PNLIP: variants seen among roughly 807,000 people sequenced by gnomAD.
PNLIP encodes pancreatic lipase.
In PNLIP, 49 loss-of-function variants were observed where a neutral mutation model predicts 57.1. The observed-to-expected ratio is 0.86, with a 90% CI of 0.68 to 1.09. PNLIP has a LOEUF of 1.09. Among genes scored for constraint, PNLIP ranks in the 50% least tolerant of loss-of-function variants. The pLI is 0.00. For missense variants in PNLIP, 503 were observed against 570.2 expected, an observed-to-expected ratio of 0.88 and a Z score of 1.20; for synonymous variants, 209 against 200.4, an observed-to-expected ratio of 1.04 and a Z score of -0.36.
intron 3 of PNLIP, 133 bp from the exon 4 acceptor site, chr10:116,548,227 T>G (rs1453080915): frequency 7.9e-6 from 6 of 763,594 alleles, no homozygotes; most frequent in East Asian, 2.6e-5. Flanking sequence ...AATACTGTGG[T>G]TGCTATGGAG....
intron 10 of PNLIP, 137 bp downstream of exon 10, chr10:116,559,420 T>C (rs1040992926): frequency 3.0e-6 from 2 of 658,716 alleles, no homozygotes; most frequent in African/African-American, 3.7e-5. Context: ...TGCTCAATGC[T>C]ATGTTCAAGG....
At chr10:116,552,440 T>G (rs1200514256) in intron 5 of PNLIP, among the ~76,000 whole-genome samples, 1 of 152,146 alleles carries the variant, frequency 6.6e-6, no homozygotes, top group African/African-American at 2.4e-5. Flanking sequence ...CAGGTGTTTG[T>G]GTCTTAGTTT....
chr10:116,557,515 A>C (rs1847265484), intron 9 of PNLIP, among the ~76,000 whole-genome samples: 1 of 152,104 alleles, frequency 6.6e-6, no homozygotes, highest in Admixed American at 6.5e-5. Flanking sequence ...TGTTTTATTG[A>C]TGGGCACACT....
intron 12 of PNLIP, among the ~76,000 whole-genome samples, chr10:116,565,461 C>CT (rs559369951): frequency 0.069 from 9,250 of 134,768 alleles, 417 homozygotes; most frequent in South Asian, 0.088. Flanking sequence ...ATAAAATGCA[C>CT]TTTTTTTTTT....
rs1367118676 is a variant in PNLIP at position 116,561,621 on chromosome 10, C to T, written c.1319C>T (p.Thr440Ile). ...GGAGCATCCAAGATTATAGTGGAGA[C>T]AAATGTTGGAAAACAGTAAGTAATG... ...RVGASKIIVE[T>I]NVGKQFNFCS... is the part of the protein sequence containing the mutation. The change falls in exon 12 of 13, where the codon ACA becomes ATA. Residue 440 changes from threonine to isoleucine, a missense_variant. Coordinates refer to ENST00000369221, the MANE Select transcript of PNLIP (RefSeq NM_000936.4). 1 of 1,610,326 alleles carries T rather than the reference C, an allele frequency of 6.2e-7. No homozygotes were observed. Among genetic ancestry groups the T allele is most frequent in the Non-Finnish European group, 8.5e-7 (1 of 1,177,852 alleles).
intron 10 of PNLIP, among the ~76,000 whole-genome samples, 162 bp downstream of exon 10, chr10:116,559,445 T>C (rs561009620): frequency 6.6e-6 from 1 of 152,292 alleles, no homozygotes; most frequent in African/African-American, 2.4e-5. Flanking sequence ...TATAGCTAAT[T>C]AGGGTGGCAG....
At chr10:116,551,054 A>G in intron 4 of PNLIP, 44 bp from the exon 5 acceptor site, 2 of 1,481,704 alleles carry the variant, frequency 1.3e-6, no homozygotes, top group Non-Finnish European at 1.8e-6. Flanking sequence ...GTAATTAATA[A>G]AGATCCTGAA....
intron 3 of PNLIP, 73 bp from the exon 4 acceptor site, chr10:116,548,287 C>T (rs1050297532): frequency 3.4e-5 from 50 of 1,453,902 alleles, no homozygotes; most frequent in Middle Eastern, 3.6e-4. Context: ...CTACTTACTG[C>T]CCCTCTCCAT....
intron 9 of PNLIP, among the ~76,000 whole-genome samples, chr10:116,557,819 G>A (rs1383966447): frequency 2.6e-5 from 4 of 152,068 alleles, no homozygotes; most frequent in Non-Finnish European, 4.4e-5. Flanking sequence ...CAGAAATAAG[G>A]GGTATTTTCC....
intron 12 of PNLIP, among the ~76,000 whole-genome samples, chr10:116,562,872 C>T (rs1847328455): frequency 6.6e-6 from 1 of 152,030 alleles, no homozygotes; most frequent in African/African-American, 2.4e-5. Flanking sequence ...CTATATTGAC[C>T]AAGATCTGTA....
chr10:116,555,269 G>A lies in PNLIP; in HGVS notation c.663G>A (p.Thr221=), dbSNP rs137958300. The A allele has an allele frequency of 1.9e-5, 30 of 1,614,048 alleles. No individual in the cohort carries two copies. Among genetic ancestry groups the A allele is most frequent in the Admixed American group, 1.8e-4 (11 of 59,992 alleles). ...SDAKFVDVIH[T]DGAPIVPNLG... ...CCAAATTTGTGGATGTAATTCACAC[G>A]GATGGTGCCCCCATAGTCCCCAATT... The change falls in exon 7 of 13, where the codon ACG becomes ACA. Residue 221 remains threonine, a synonymous_variant. Coordinates refer to ENST00000369221, the MANE Select transcript of PNLIP (RefSeq NM_000936.4).
Position 116,555,893 on chromosome 10 carries a change from G to A in PNLIP, c.812-107G>A, listed in dbSNP as rs12261252. 7,071 of 715,688 alleles carry A rather than the reference G, an allele frequency of 9.9e-3. 385 individuals carry two copies. The African/African-American group carries it at 0.11, about 11-fold the overall frequency. The allele number at this position is 715,688 out of a possible 1,614,324, so 44.3% of individuals were successfully genotyped here. ...AATGACTTTGTTCTGTGACCTGCAT[G>A]AGCTCACACTAATTAGAGAAATCTA... On this transcript the variant is annotated intron_variant, in intron 8 of 12. Coordinates refer to ENST00000369221, the MANE Select transcript of PNLIP (RefSeq NM_000936.4).
In PNLIP at chr10:116,565,249, C is replaced by CA. The variant is rs71010093; in HGVS notation, c.1335-2464dup. Among the ~76,000 whole-genome samples the CA allele has an allele frequency of 5.5e-3, 185 of 33,400 alleles. 11 individuals are homozygous for CA. The highest frequency in any genetic ancestry group is 0.013 in the African/African-American group (91 of 7,258). The allele number at this position is 33,400 out of a possible 152,430, so 21.9% of individuals were successfully genotyped here. A position where few individuals can be genotyped will look rare whatever the true frequency, so the allele number is the denominator to read the frequency against. ...TGGGTGACAGAGCGAGACAATGTCT[C>CA]AAAAAAAAAAAAAAAAAAAAAAGAG... is the stretch of plus-strand genomic sequence containing the variant. On this transcript the variant is annotated intron_variant, in intron 12 of 12. Coordinates refer to ENST00000369221, the MANE Select transcript of PNLIP (RefSeq NM_000936.4).
At position 116,556,247 on chromosome 10, in the gene PNLIP, A is replaced by G. The variant is rs185894176; in HGVS notation, c.930+129A>G. On this transcript the variant is annotated intron_variant, in intron 9 of 12. Coordinates refer to ENST00000369221, the MANE Select transcript of PNLIP (RefSeq NM_000936.4). The stretch of plus-strand genomic sequence containing the variant: ...TGAACTTATACATGCCTTTAATTAT[A>G]TGTATTTAAATAGTGATAAATTAGA... 10 of 632,690 alleles carry G rather than the reference A, an allele frequency of 1.6e-5. No homozygotes were observed. The East Asian group carries it at 2.6e-4, about 17-fold the overall frequency. 39.2% of individuals were successfully genotyped at this position (632,690 alleles called of 1,614,324 possible).
chr10:116,567,604 T>C (rs1847383444), intron 12 of PNLIP, 131 bp from the exon 13 acceptor site: 2 of 714,864 alleles, frequency 2.8e-6, no homozygotes, highest in Non-Finnish European at 5.1e-6. Flanking sequence ...CCCTCAGCCA[T>C]TGTCTGGTCT....
At chr10:116,560,659 C>G in intron 11 of PNLIP, 135 bp downstream of exon 11, 1 of 483,004 alleles carries the variant, frequency 2.1e-6, no homozygotes, top group Non-Finnish European at 3.6e-6. Flanking sequence ...CTCACTACAA[C>G]CTCTGCCTCT....
intron 6 of PNLIP, 142 bp from the exon 7 acceptor site, chr10:116,555,036 A>G: frequency 1.1e-6 from 1 of 910,212 alleles, no homozygotes; most frequent in Non-Finnish European, 1.7e-6. Context: ...TTTAAAGCAA[A>G]TAGCTAGAAG....
chr10:116,565,747 G>T (rs1847359797), intron 12 of PNLIP, among the ~76,000 whole-genome samples: 1 of 152,004 alleles, frequency 6.6e-6, no homozygotes, highest in South Asian at 2.1e-4. Flanking sequence ...CGATTTTGGT[G>T]TTCGATATTT....
chr10:116,550,884 G>A (rs1000494610), intron 4 of PNLIP, among the ~76,000 whole-genome samples: 8 of 152,174 alleles, frequency 5.3e-5, no homozygotes, highest in African/African-American at 1.9e-4. Context: ...CAAGAATCCA[G>A]TTCCCACTAT....
Sources: allele counts gnomAD v4.1 joint callset (sites outside exome capture counted in the v4.1 genomes callset), GRCh38; gene constraint gnomAD v4.1.1; transcripts MANE v1.5; gene names NCBI Gene and HGNC (gene_info 2026-07-23, HGNC 2026-07-21).